The following WWOX variants were observed in gnomAD, a reference collection of about 807,000 sequenced individuals.
The protein encoded by WWOX is WW domain containing oxidoreductase.
A neutral mutation model predicts 46.2 loss-of-function variants in WWOX; 69 were observed. That is an observed-to-expected ratio of 1.49 (90% confidence interval 1.23 to 1.82). The LOEUF (loss-of-function observed/expected upper bound fraction) is 1.82. WWOX is among the 40% of genes most tolerant of loss of function. WWOX has a pLI of 0.00. For missense variants in WWOX, 919 were observed against 542.6 expected, an observed-to-expected ratio of 1.69 and a Z score of -6.89; for synonymous variants, 359 against 202.6, an observed-to-expected ratio of 1.77 and a Z score of -6.56.
At chr16:78,518,059 G>A (rs1284879952) in intron 8 of WWOX, among the ~76,000 whole-genome samples, 1 of 151,830 alleles carries the variant, frequency 6.6e-6, no homozygotes, top group East Asian at 1.9e-4. Context: ...TTAGATGCTT[G>A]GAGCTTCAGT....
At chr16:78,644,136 C>G (rs1329661910) in intron 8 of WWOX, among the ~76,000 whole-genome samples, 1 of 152,104 alleles carries the variant, frequency 6.6e-6, no homozygotes, top group African/African-American at 2.4e-5. Context: ...GCGGGAGAAT[C>G]ATTTGAACCT....
intron 8 of WWOX, among the ~76,000 whole-genome samples, chr16:78,966,720 A>G (rs1329685572): frequency 2.6e-5 from 4 of 152,214 alleles, no homozygotes; most frequent in African/African-American, 9.7e-5. Flanking sequence ...GAGCTTAAAT[A>G]TATTGCAAAA....
At chr16:78,321,668 C>T (rs2080485207) in intron 5 of WWOX, among the ~76,000 whole-genome samples, 1 of 151,986 alleles carries the variant, frequency 6.6e-6, no homozygotes, top group African/African-American at 2.4e-5. Flanking sequence ...CACCAGAGTG[C>T]ATGGAAAAGT....
intron 8 of WWOX, among the ~76,000 whole-genome samples, chr16:78,866,212 T>G (rs1282364256): frequency 6.6e-6 from 1 of 152,092 alleles, no homozygotes; most frequent in African/African-American, 2.4e-5. Context: ...CTTCTGCCAG[T>G]CTCCATAGCA....
chr16:78,356,561 G>A (rs1403406052), intron 5 of WWOX, among the ~76,000 whole-genome samples: 5 of 152,104 alleles, frequency 3.3e-5, no homozygotes, highest in Non-Finnish European at 7.4e-5. Context: ...GGGACAGAGA[G>A]GTGCACTTTG....
At position 78,406,303 on chromosome 16, in the gene WWOX, A is replaced by AATATAT. The variant is rs532594425; in HGVS notation, c.606-18520_606-18515dup. ...CATTACATTACAGCATATAAATATA[A>AATATAT]ATATATATATATATATATATATATA... On this transcript the variant is annotated intron_variant, in intron 6 of 8. Transcript: ENST00000566780. Among the ~76,000 whole-genome samples the AATATAT allele has an allele frequency of 5.8e-3, 335 of 57,738 alleles. 1 individual carries two copies. Among genetic ancestry groups the AATATAT allele is most frequent in the Non-Finnish European group, 9.5e-3 (240 of 25,214 alleles). 37.9% of individuals were successfully genotyped at this position (57,738 alleles called of 152,430 possible).
chr16:79,182,904 G>C (rs767413940), intron 8 of WWOX, among the ~76,000 whole-genome samples: 1 of 152,264 alleles, frequency 6.6e-6, no homozygotes, highest in Non-Finnish European at 1.5e-5. Context: ...AAGCCTTCTG[G>C]GCTGATGAGC....
chr16:78,798,898 T>G (rs941579390), intron 8 of WWOX, among the ~76,000 whole-genome samples: 1 of 152,146 alleles, frequency 6.6e-6, no homozygotes, highest in Admixed American at 6.5e-5. Context: ...CCAGGGGAAT[T>G]AAAGTTTGAG....
chr16:78,140,687 G>A (rs917825211), intron 4 of WWOX, among the ~76,000 whole-genome samples: 1 of 152,022 alleles, frequency 6.6e-6, no homozygotes, highest in African/African-American at 2.4e-5. Flanking sequence ...TTCTTCTAAG[G>A]GTGACAGTTT....
intron 8 of WWOX, among the ~76,000 whole-genome samples, chr16:78,709,178 G>C (rs922492024): frequency 1.3e-5 from 2 of 152,184 alleles, no homozygotes; most frequent in Non-Finnish European, 2.9e-5. Flanking sequence ...ACTGGAGAGA[G>C]GGGTTCTGTG....
At chr16:78,889,350 AC>A (rs1424043444) in intron 8 of WWOX, among the ~76,000 whole-genome samples, 1 of 59,756 alleles carries the variant, frequency 1.7e-5, no homozygotes, top group South Asian at 8.0e-4. Context: ...TCCCTCCCCC[AC>A]CCCCCGCCCC....
At chr16:78,697,496 A>T (rs112252330) in intron 8 of WWOX, among the ~76,000 whole-genome samples, 1 of 151,996 alleles carries the variant, frequency 6.6e-6, no homozygotes, top group African/African-American at 2.4e-5. Context: ...AATCTATACA[A>T]ATCTATACGT....
At chr16:78,689,891 C>T (rs1044741486) in intron 8 of WWOX, among the ~76,000 whole-genome samples, 1 of 151,988 alleles carries the variant, frequency 6.6e-6, no homozygotes, top group South Asian at 2.1e-4. Flanking sequence ...GACAGGGTCT[C>T]ACTCTGTTGC....
intron 6 of WWOX, among the ~76,000 whole-genome samples, chr16:78,419,288 A>C (rs56092025): frequency 0.057 from 8,699 of 152,196 alleles, 290 homozygotes; most frequent in South Asian, 0.14. Flanking sequence ...TGAAAAGCTG[A>C]TCCTACATTT....
chr16:78,866,970 C>G (rs2044017511), intron 8 of WWOX, among the ~76,000 whole-genome samples: 1 of 152,176 alleles, frequency 6.6e-6, no homozygotes, highest in Non-Finnish European at 1.5e-5. Context: ...ATATGATAGC[C>G]AAAGGGTTTC....
intron 8 of WWOX, among the ~76,000 whole-genome samples, chr16:78,445,913 G>C (rs1009803477): frequency 2.0e-5 from 3 of 151,992 alleles, no homozygotes; most frequent in East Asian, 3.9e-4. Flanking sequence ...GGGGAAAGAA[G>C]AGAAACAGCT....
rs911788641 is a variant in WWOX, at chr16:78,343,997, T to A, written c.517-42863T>A. 1.1e-4 allele frequency among the ~76,000 whole-genome samples: 13 copies of A among 119,786 alleles called. 4 individuals carry two copies. The allele number at this position is 119,786 out of a possible 152,430, so 78.6% of individuals were successfully genotyped here. On this transcript the variant is annotated intron_variant, in intron 5 of 8. Coordinates refer to ENST00000566780, the MANE Select transcript of WWOX (RefSeq NM_016373.4). Reference sequence around the variant, plus strand: ...TCCCTTGCTCTTTTTCTGCCCCTCATGCCGGCTCCTTCCTCCCACATCACC... The same window carrying A: ...TCCCTTGCTCTTTTTCTGCCCCTCAAGCCGGCTCCTTCCTCCCACATCACC...
chr16:78,146,360 C>T (rs1393222688), intron 4 of WWOX, among the ~76,000 whole-genome samples: 1 of 152,122 alleles, frequency 6.6e-6, no homozygotes, highest in African/African-American at 2.4e-5. Flanking sequence ...GTTCACATTA[C>T]CTATGTTGGG....
intron 8 of WWOX, among the ~76,000 whole-genome samples, chr16:78,537,263 C>G (rs2043781776): frequency 1.3e-5 from 2 of 152,158 alleles, no homozygotes; most frequent in Admixed American, 6.5e-5. Flanking sequence ...GCCTCCCTGT[C>G]TCCCTGCCTT....
Sources: allele counts gnomAD v4.1 joint callset (sites outside exome capture counted in the v4.1 genomes callset), GRCh38; gene constraint gnomAD v4.1.1; transcripts MANE v1.5; gene names NCBI Gene and HGNC (gene_info 2026-07-23, HGNC 2026-07-21).